Variants in EML3 observed in about 807,000 individuals in gnomAD.
EML3 encodes EMAP like 3.
A neutral mutation model predicts 106.7 loss-of-function variants in EML3; 53 were observed. The observed-to-expected ratio is 0.50, with a 90% CI of 0.40 to 0.62. EML3 has a LOEUF of 0.62. Ranked by LOEUF, EML3 falls within the 20% of genes least tolerant of loss-of-function variation. The pLI, the probability that EML3 is intolerant of heterozygous loss-of-function variation, is 0.00. For synonymous variants in EML3, 499 were observed against 489.6 expected, an observed-to-expected ratio of 1.02 and a Z score of -0.25; for missense variants, 994 against 1,209.1, an observed-to-expected ratio of 0.82 and a Z score of 2.64.
intron 16 of EML3, 79 bp from the exon 17 acceptor site, chr11:62,604,280 G>T (rs1280995569): frequency 7.8e-7 from 1 of 1,281,996 alleles, no homozygotes; most frequent in Middle Eastern, 1.8e-4. Flanking sequence ...GCCACCCTGG[G>T]TAGGCTTGGG....
Position 62,608,543 on chromosome 11 carries a change from G to T in EML3, c.1109C>A (p.Ala370Glu). The change falls in exon 9 of 22, where the codon GCG becomes GAG. Residue 370 changes from alanine (A) to glutamate (E), a missense_variant and splice_region_variant. Transcript: ENST00000394773. ...RGVGALAFSA[A>E]DQGAFLCVVD... Reference sequence around the variant, plus strand: ...CTAGAGGCTTCAGGGCCAGCTCACCGCAGCTGAAAAGGCCAGGGCCCCAAC... The same window carrying T: ...CTAGAGGCTTCAGGGCCAGCTCACCTCAGCTGAAAAGGCCAGGGCCCCAAC... The T allele has an allele frequency of 6.2e-7, 1 of 1,613,186 alleles. No individual in the cohort carries two copies. Among genetic ancestry groups the T allele is most frequent in the East Asian group, 2.2e-5 (1 of 44,882 alleles).
intron 20 of EML3, 78 bp downstream of exon 20, chr11:62,603,071 C>T: frequency 2.5e-6 from 4 of 1,582,102 alleles, no homozygotes; most frequent in Non-Finnish European, 3.5e-6. Context: ...CCCAACGACA[C>T]ACGCCCAGCG....
rs1942883108 is a variant in EML3, at chr11:62,612,477, G to C, written c.-20C>G. On this transcript the variant is annotated 5_prime_UTR_variant, in exon 1 of 22. Transcript: ENST00000394773. Reference sequence around the variant, plus strand: ...GTCCATCCGGCCCCCGGGTTGCTCCGAGCGGCGGCGGCGGAGGAGGCGTCT... The same window carrying C: ...GTCCATCCGGCCCCCGGGTTGCTCCCAGCGGCGGCGGCGGAGGAGGCGTCT... 1 of 1,417,928 alleles carries C rather than the reference G, an allele frequency of 7.1e-7. No individual in the cohort carries two copies. Among genetic ancestry groups the C allele is most frequent in the Admixed American group, 3.1e-5 (1 of 32,762 alleles). 87.8% of individuals were successfully genotyped at this position (1,417,928 alleles called of 1,614,324 possible).
chr11:62,612,038 T>A (rs1301933707), intron 1 of EML3: 1 of 372,522 alleles, frequency 2.7e-6, no homozygotes, highest in Non-Finnish European at 4.9e-6. Flanking sequence ...GGGAATGGAG[T>A]CATACTGAGG....
intron 5 of EML3, 48 bp from the exon 6 acceptor site, chr11:62,609,525 G>A: frequency 6.5e-7 from 1 of 1,548,676 alleles, no homozygotes; most frequent in African/African-American, 1.4e-5. Context: ...AGGAAAGACA[G>A]AGCAGAACCC....
intron 9 of EML3, 66 bp downstream of exon 9, chr11:62,608,476 T>C: frequency 6.6e-7 from 1 of 1,524,692 alleles, no homozygotes; most frequent in South Asian, 1.1e-5. Context: ...CAAGGCTTCC[T>C]GGTGACATGC....
chr11:62,603,351 C>T (rs1942342164), intron 19 of EML3, 104 bp from the exon 20 acceptor site: 1 of 1,078,050 alleles, frequency 9.3e-7, no homozygotes, highest in African/African-American at 1.5e-5. Context: ...CCGGCGATGG[C>T]ATGTGATCTG....
intron 11 of EML3, 200 bp downstream of exon 11, chr11:62,607,466 G>A (rs1942592996): frequency 3.6e-6 from 2 of 551,110 alleles, no homozygotes; most frequent in Non-Finnish European, 6.0e-6. Context: ...GAACCCAGGA[G>A]GCAGACGTTG....
In EML3 at chr11:62,605,558, G is replaced by T; in HGVS notation, c.1914+84C>A. 6.7e-7 allele frequency: 1 copy of T among 1,485,400 alleles called. No homozygotes were observed. The allele number at this position is 1,485,400 out of a possible 1,614,324, so 92.0% of individuals were successfully genotyped here. ...ACAAACTGGCCACCTCTGGGAGGCA[G>T]AAGGCAAGGTGCTGGGGAAGGCGTG... On this transcript the variant is annotated intron_variant, in intron 15 of 21. Coordinates refer to ENST00000394773, the MANE Select transcript of EML3 (RefSeq NM_153265.3). The surrounding 1 kb of genome is among the most constrained non-coding windows in gnomAD (Gnocchi z 5.2).
chr11:62,607,560 A>C, intron 11 of EML3, 106 bp downstream of exon 11: 1 of 1,319,264 alleles, frequency 7.6e-7, no homozygotes, highest in Non-Finnish European at 1.0e-6. Context: ...AAAAAAGGTC[A>C]CAGGGGCAGG....
rs1565049363 is a variant in EML3, at chr11:62,602,389, GC to G, written c.*85del. Reference sequence around the variant, plus strand: ...TCGAAGTCAGTCCAGGAAAGAGTCGGCCCCTAGTCGTGGGGGATTGGGCCAG... The same window carrying G: ...TCGAAGTCAGTCCAGGAAAGAGTCGGCCCTAGTCGTGGGGGATTGGGCCAG... On this transcript the variant is annotated 3_prime_UTR_variant, in exon 22 of 22. Transcript: ENST00000394773. The G allele has an allele frequency of 7.5e-7, 1 of 1,332,810 alleles. No homozygotes were observed. The highest frequency in any genetic ancestry group is 4.0e-5 in the East Asian group (1 of 25,234). 82.6% of individuals were successfully genotyped at this position (1,332,810 alleles called of 1,614,324 possible).
intron 10 of EML3, 89 bp from the exon 11 acceptor site, chr11:62,607,910 C>A: frequency 6.7e-7 from 1 of 1,491,262 alleles, no homozygotes. Flanking sequence ...TGACAGCTGG[C>A]TGGCAGAGGT....
chr11:62,604,473 G>C (rs916041422), intron 16 of EML3, among the ~76,000 whole-genome samples: 1 of 152,106 alleles, frequency 6.6e-6, no homozygotes, highest in African/African-American at 2.4e-5. Flanking sequence ...CACCTCCTGG[G>C]TTCAAGTGAT....
At chr11:62,608,460 A>G in intron 9 of EML3, 82 bp downstream of exon 9, 1 of 1,482,494 alleles carries the variant, frequency 6.7e-7, no homozygotes, top group Non-Finnish European at 9.4e-7. Context: ...GGAAGGCCAG[A>G]ACTTCCAAGG....
In EML3 at chr11:62,605,122, T is replaced by C; in HGVS notation, c.1973A>G (p.Asn658Ser). The change falls in exon 16 of 22, where the codon AAC (asparagine) becomes AGC (serine). Residue 658 changes from asparagine (N) to serine (S), a missense_variant. By Grantham distance (46) the Asn-to-Ser change is conservative. Coordinates refer to ENST00000394773, the MANE Select transcript of EML3 (RefSeq NM_153265.3). This position sits in a 1 kb window ranked among gnomAD's most constrained non-coding sequence, Gnocchi z 5.2. ...PSGAVVAVGL[N>S]TGRWLVLDTE... is the part of the protein sequence containing the mutation. ...CCTGGCTCTCTCTCACCTCCCCGTG[T>C]TCAGTCCTACGGCCACAACTGCCCC... The C allele has an allele frequency of 6.2e-7, 1 of 1,612,460 alleles. No individual in the cohort carries two copies. Among genetic ancestry groups the C allele is most frequent in the Non-Finnish European group, 8.5e-7 (1 of 1,179,166 alleles).
chr11:62,602,993 C>T, intron 20 of EML3, 104 bp from the exon 21 acceptor site: 2 of 1,477,294 alleles, frequency 1.4e-6, no homozygotes, highest in Non-Finnish European at 1.8e-6. Flanking sequence ...CCCACTGCCG[C>T]GTTCCAGGCA....
chr11:62,602,665 A>G lies in EML3; in HGVS notation c.2501T>C (p.Met834Thr), dbSNP rs774505119. The G allele has an allele frequency of 1.9e-6, 3 of 1,597,124 alleles. 1 individual carries two copies. Among genetic ancestry groups the G allele is most frequent in the South Asian group, 2.2e-5 (2 of 89,658 alleles). The change falls in exon 22 of 22, where the codon ATG becomes ACG. Residue 834 changes from methionine to threonine, a missense_variant. Around this residue, in one of 3 missense-constraint regions of EML3, gnomAD observed 713 missense variants for 920.5 expected, o/e 0.77. Transcript: ENST00000394773. ...PCARAKAPSRMYGGHGSHVTS... is the reference protein window; with the variant it reads ...PCARAKAPSRTYGGHGSHVTS... ...CACGTGGCTGCCGTGGCCCCCGTAC[A>G]TGCGGCTCGGCGCCTGGGCCGGAGG...
At chr11:62,606,730 G>A (rs1452795339) in intron 12 of EML3, among the ~76,000 whole-genome samples, 2 of 152,160 alleles carry the variant, frequency 1.3e-5, no homozygotes, top group Non-Finnish European at 2.9e-5. Flanking sequence ...GGTGGCGTGT[G>A]CCTGTACTTC....
rs1284683635 is a variant in EML3, at chr11:62,610,915, G to A, written c.530C>T (p.Ser177Phe). The A allele has an allele frequency of 1.2e-6, 2 of 1,612,992 alleles. No individual in the cohort carries two copies. The highest frequency in any genetic ancestry group is 1.7e-5 in the Admixed American group (1 of 59,828). Residue 177 changes from serine (S) to phenylalanine (F), a missense_variant, in exon 4 of 22, where the codon TCC becomes TTC. Physicochemically the swap from Ser to Phe is radical, Grantham distance 155 (BLOSUM62 -2). Transcript: ENST00000394773. ...CCCGGACCGCACTAACAGGTTGGCG[G>A]AGGAGATTGCCTTCCTGGAGAGCTT... The part of the protein sequence containing the change: ...RQKLSRKAIS[S>F]ANLLVRSGST...
Sources: allele counts gnomAD v4.1 joint callset (sites outside exome capture counted in the v4.1 genomes callset), GRCh38; gene constraint gnomAD v4.1.1; regional missense constraint gnomAD v4.1.1; non-coding constraint Gnocchi (gnomAD v3.1); transcripts MANE v1.5; gene names NCBI Gene and HGNC (gene_info 2026-07-23, HGNC 2026-07-21).